FBXO11: variants seen among roughly 807,000 people sequenced by gnomAD.
The protein encoded by FBXO11 is F-box only protein 11.
A neutral mutation model predicts 117.0 loss-of-function variants in FBXO11; 13 were observed. That is an observed-to-expected ratio of 0.11 (90% confidence interval 0.07 to 0.18). The LOEUF (loss-of-function observed/expected upper bound fraction) is 0.18. Ranked by LOEUF, FBXO11 falls within the 10% of genes least tolerant of loss-of-function variation. FBXO11 has a pLI of 1.00. For missense variants in FBXO11, 767 were observed against 1,164.4 expected (o/e 0.66, Z 4.97); for synonymous variants, 490 against 380.5 (o/e 1.29, Z -3.35).
intron 16 of FBXO11, among the ~76,000 whole-genome samples, chr2:47,818,008 A>T (rs1431402406): frequency 1.3e-5 from 2 of 152,200 alleles, no homozygotes; most frequent in Non-Finnish European, 2.9e-5. Flanking sequence ...TCAGCCAGGC[A>T]TGGTGGCACA....
At chr2:47,873,965 A>G (rs1675809030) in intron 1 of FBXO11, among the ~76,000 whole-genome samples, 10 of 152,072 alleles carry the variant, frequency 6.6e-5, no homozygotes, top group Admixed American at 6.6e-4. Context: ...CTGTAATCCC[A>G]GCCCTTTGGG....
At chr2:47,894,381 T>A (rs936957847) in intron 1 of FBXO11, among the ~76,000 whole-genome samples, 1 of 152,072 alleles carries the variant, frequency 6.6e-6, no homozygotes, top group Non-Finnish European at 1.5e-5. Context: ...GTCCAAATAA[T>A]AGCAAAATAT....
In FBXO11 at chr2:47,814,692, T is replaced by TTAAA. The variant is rs1670888531; in HGVS notation, c.2007-829_2007-826dup. On this transcript the variant is annotated intron_variant, in intron 16 of 22. Coordinates refer to ENST00000403359, the MANE Select transcript of FBXO11 (RefSeq NM_001190274.2). ...CTGCACCTGACCAACTGGCAATCTC[T>TTAAA]TAAAATAAGACAATTAAGTTTGCCA... Among the ~76,000 whole-genome samples, 6 of 152,288 alleles carry TTAAA rather than the reference T, an allele frequency of 3.9e-5. No homozygotes were observed. The South Asian group carries it at 1.2e-3, about 32-fold the overall frequency.
intron 1 of FBXO11, among the ~76,000 whole-genome samples, chr2:47,857,861 C>G (rs546952935): frequency 6.6e-6 from 1 of 152,156 alleles, no homozygotes; most frequent in South Asian, 2.1e-4. Context: ...GCCTTTGCAG[C>G]TGGAAATACA....
intron 1 of FBXO11, among the ~76,000 whole-genome samples, chr2:47,876,610 C>T (rs566548466): frequency 3.7e-4 from 56 of 152,236 alleles, no homozygotes; most frequent in Non-Finnish European, 6.3e-4. Context: ...CTGGTAAATA[C>T]GTTGTTAATT....
intron 14 of FBXO11, among the ~76,000 whole-genome samples, chr2:47,819,372 C>G (rs1358024138): frequency 6.6e-6 from 1 of 152,122 alleles, no homozygotes; most frequent in African/African-American, 2.4e-5. Context: ...TCTGCCACCA[C>G]GCCTGGCTAA....
At chr2:47,896,027 T>C (rs1677639091) in intron 1 of FBXO11, among the ~76,000 whole-genome samples, 3 of 152,192 alleles carry the variant, frequency 2.0e-5, no homozygotes, top group Non-Finnish European at 4.4e-5. Context: ...ATATAGCCCA[T>C]TTATATTTTA....
rs1670318956 is a variant in FBXO11 at position 47,807,677 on chromosome 2, A to AATC, written c.*440_*441insGAT. ...AATCTGAATACATGTTAAAAAAAAA[A>AATC]AATCAAAAGGAACGCAGAAGTGCTA... On this transcript the variant is annotated 3_prime_UTR_variant, in exon 23 of 23. Transcript: ENST00000403359. 1 of 229,928 alleles carries AATC rather than the reference A, an allele frequency of 4.3e-6. No individual in the cohort carries two copies. The highest frequency in any genetic ancestry group is 1.6e-4 in the South Asian group (1 of 6,152). 14.2% of individuals were successfully genotyped at this position (229,928 alleles called of 1,614,324 possible). A position where few individuals can be genotyped will look rare whatever the true frequency, so the allele number is the denominator to read the frequency against.
chr2:47,863,344 G>C (rs943168496), intron 1 of FBXO11, among the ~76,000 whole-genome samples: 1 of 152,098 alleles, frequency 6.6e-6, no homozygotes, highest in Non-Finnish European at 1.5e-5. Flanking sequence ...GGCCAACAGA[G>C]AAACAGAATT....
chr2:47,831,852 A>G (rs1672216537), intron 11 of FBXO11, among the ~76,000 whole-genome samples: 1 of 152,232 alleles, frequency 6.6e-6, no homozygotes, highest in Non-Finnish European at 1.5e-5. Context: ...ATCTCCTATT[A>G]AAGTTCTGCC....
chr2:47,828,345 A>G (rs1372614198), intron 11 of FBXO11, among the ~76,000 whole-genome samples: 1 of 152,180 alleles, frequency 6.6e-6, no homozygotes, highest in African/African-American at 2.4e-5. Flanking sequence ...GAAGTAAAAC[A>G]TTCTTTATTA....
intron 1 of FBXO11, among the ~76,000 whole-genome samples, chr2:47,874,834 C>T (rs1179856471): frequency 1.3e-5 from 2 of 150,920 alleles, no homozygotes; most frequent in African/African-American, 4.9e-5. Flanking sequence ...CATGCCTGGC[C>T]ACATACAAAA....
At chr2:47,816,691 A>C (rs933890986) in intron 16 of FBXO11, among the ~76,000 whole-genome samples, 2 of 152,160 alleles carry the variant, frequency 1.3e-5, no homozygotes, top group East Asian at 1.9e-4. Context: ...TGAAAACAAC[A>C]ATCTCCTTGT....
rs751273444 is a variant in FBXO11, at chr2:47,832,329, TTAAAAA to T, written c.1398+14_1398+19del. The T allele has an allele frequency of 5.2e-5, 81 of 1,554,310 alleles. No individual in the cohort carries two copies. The highest frequency in any genetic ancestry group is 6.4e-5 in the Non-Finnish European group (74 of 1,151,720). Reference sequence around the variant, plus strand: ...ACTGATACAGAAGTCCGTTTTTCTATTAAAAATAAGTGTTCTTACCATGCCATGATC... The same window carrying T: ...ACTGATACAGAAGTCCGTTTTTCTATTAAGTGTTCTTACCATGCCATGATC... On this transcript the variant is annotated intron_variant, in intron 11 of 22. Transcript: ENST00000403359.
intron 1 of FBXO11, among the ~76,000 whole-genome samples, chr2:47,858,681 C>CAAAAAAAAAAAAA (rs902232765): frequency 1.6e-4 from 11 of 67,440 alleles, no homozygotes; most frequent in East Asian, 4.5e-4. Context: ...GACTCTGCCT[C>CAAAAAAAAAAAAA]AAAAAAAAAA....
At chr2:47,900,665 TACGTATATACACAC>T (rs1644712741) in intron 1 of FBXO11, among the ~76,000 whole-genome samples, 2 of 66,878 alleles carry the variant, frequency 3.0e-5, no homozygotes, top group South Asian at 8.3e-4. Context: ...TACACACACG[TACGTATATACACAC>T]GTATACACAC....
intron 1 of FBXO11, among the ~76,000 whole-genome samples, chr2:47,868,497 T>A (rs1675367573): frequency 6.6e-6 from 1 of 152,180 alleles, no homozygotes; most frequent in African/African-American, 2.4e-5. Context: ...TTTGTTTGAA[T>A]TACTTCTCAA....
At chr2:47,818,485 C>T (rs1050196412) in intron 16 of FBXO11, 3 of 276,316 alleles carry the variant, frequency 1.1e-5, no homozygotes, top group African/African-American at 4.4e-5. Flanking sequence ...TATTTTAACA[C>T]AGACTTCCAC....
intron 1 of FBXO11, among the ~76,000 whole-genome samples, chr2:47,860,841 CTATTTTTTTTTT>C (rs1558450730): frequency 2.2e-5 from 3 of 138,082 alleles, no homozygotes; most frequent in African/African-American, 8.5e-5. Flanking sequence ...TTGTTTTCCC[CTATTTTTTTTTT>C]TTTTTTTTTT....
Sources: allele counts gnomAD v4.1 joint callset (sites outside exome capture counted in the v4.1 genomes callset), GRCh38; gene constraint gnomAD v4.1.1; transcripts MANE v1.5; gene names NCBI Gene and HGNC (gene_info 2026-07-23, HGNC 2026-07-21).